Variants in SH3KBP1 observed in about 807,000 individuals in gnomAD.
SH3KBP1 encodes the protein SH3 domain containing kinase binding protein 1, also known as SH3 domain-containing kinase-binding protein 1.
In SH3KBP1, 8 loss-of-function variants were observed where a neutral mutation model predicts 50.1. That is an observed-to-expected ratio of 0.16 (90% CI 0.09 to 0.29). The LOEUF is 0.29. SH3KBP1 is among the 10% of genes least tolerant of loss of function. The pLI is 1.00. For synonymous variants in SH3KBP1, 227 were observed against 218.6 expected (o/e 1.04, Z -0.34); for missense variants, 377 against 535.2 (o/e 0.70, Z 2.92).
At position 19,694,947 on chromosome X, in the gene SH3KBP1, C is replaced by T. The variant is rs748852941; in HGVS notation, c.520+665G>A. 7.4e-6 allele frequency: 8 copies of T among 1,079,697 alleles called. No homozygotes were observed. In the South Asian group the frequency reaches 1.6e-4, roughly 21 times the overall value. 89.0% of individuals were successfully genotyped at this position (1,079,697 alleles called of 1,213,427 possible). A position where few individuals can be genotyped will look rare whatever the true frequency, so the allele number is the denominator to read the frequency against. On this transcript the variant is annotated intron_variant, in intron 5 of 17. Coordinates refer to ENST00000397821, the MANE Select transcript of SH3KBP1 (RefSeq NM_031892.3). Reference sequence around the variant, plus strand: ...AGACAGCACAAGAGATACACAGACGCCCACAGTTGGGTTAGTGACTGGGAG... The same window carrying T: ...AGACAGCACAAGAGATACACAGACGTCCACAGTTGGGTTAGTGACTGGGAG...
intron 6 of SH3KBP1, among the ~76,000 whole-genome samples, chrX:19,669,806 C>T (rs2062737446): frequency 9.0e-6 from 1 of 111,630 alleles, no homozygotes; most frequent in African/African-American, 3.3e-5. Context: ...AGGCAAGCAA[C>T]AGATGCCATT....
intron 2 of SH3KBP1, among the ~76,000 whole-genome samples, chrX:19,827,781 C>CTTT (rs138898288): frequency 5.5e-5 from 2 of 36,222 alleles, no homozygotes; most frequent in East Asian, 8.8e-4. Flanking sequence ...GAAGTGCAGT[C>CTTT]TTTTTTTTTT....
intron 6 of SH3KBP1, among the ~76,000 whole-genome samples, chrX:19,663,261 A>C (rs1476683716): frequency 8.9e-6 from 1 of 112,087 alleles, no homozygotes; most frequent in Admixed American, 9.5e-5. Context: ...ACCTATTTTA[A>C]TCACGTGCTT....
intron 3 of SH3KBP1, among the ~76,000 whole-genome samples, chrX:19,744,992 C>T (rs1356594008): frequency 1.8e-5 from 2 of 112,257 alleles, no homozygotes; most frequent in African/African-American, 6.5e-5. Context: ...TTGCCGTGCC[C>T]GCGGACCCAA....
chrX:19,687,822 C>T (rs2063200121), intron 5 of SH3KBP1: 1 of 496,365 alleles, frequency 2.0e-6, no homozygotes, highest in Admixed American at 3.0e-5. Context: ...GCTGCAAGAG[C>T]TTCATCCACA....
chrX:19,600,763 T>C (rs1161409400), intron 9 of SH3KBP1, among the ~76,000 whole-genome samples: 2 of 111,665 alleles, frequency 1.8e-5, no homozygotes, highest in African/African-American at 6.5e-5. Flanking sequence ...TTCTGTTTAT[T>C]CTCTTTATCC....
chrX:19,733,415 T>C (rs992742706), intron 3 of SH3KBP1, among the ~76,000 whole-genome samples: 1 of 110,137 alleles, frequency 9.1e-6, no homozygotes, highest in Non-Finnish European at 1.9e-5. Flanking sequence ...CTTTCATATA[T>C]ATAATAATAT....
chrX:19,829,826 T>C (rs2067813442), intron 2 of SH3KBP1, among the ~76,000 whole-genome samples: 1 of 111,232 alleles, frequency 9.0e-6, no homozygotes, highest in African/African-American at 3.3e-5. Context: ...TTGCCCATTT[T>C]TATGGTTATT....
chrX:19,696,827 G>A (rs1380221162), intron 4 of SH3KBP1, among the ~76,000 whole-genome samples: 1 of 112,060 alleles, frequency 8.9e-6, no homozygotes, highest in African/African-American at 3.2e-5. Context: ...CCATGTGCAC[G>A]TACAGACAGT....
At chrX:19,557,026 T>C (rs1281613241) in intron 13 of SH3KBP1, among the ~76,000 whole-genome samples, 1 of 111,533 alleles carries the variant, frequency 9.0e-6, no homozygotes, top group African/African-American at 3.3e-5. Context: ...ATGCCATTAC[T>C]AGATGCTTCG....
In SH3KBP1 at chrX:19,776,913, T is replaced by C. The variant is rs1056861537; in HGVS notation, c.163-30472A>G. Among the ~76,000 whole-genome samples the C allele has an allele frequency of 3.7e-5, 4 of 109,504 alleles. No homozygotes were observed. The East Asian group carries it at 8.5e-4, about 23-fold the overall frequency. ...GTTTTCACAGACACCCTCACCATCCTGAATATTTTAACATACCTCTGATTT... is the reference window on the plus strand; with the variant it reads ...GTTTTCACAGACACCCTCACCATCCCGAATATTTTAACATACCTCTGATTT... On this transcript the variant is annotated intron_variant, in intron 2 of 17. Transcript: ENST00000397821.
In SH3KBP1 at chrX:19,760,067, T is replaced by C. The variant is rs2065363331; in HGVS notation, c.163-13626A>G. The stretch of plus-strand genomic sequence containing the variant: ...CTCTCTCTCTCTCTCTCTCTCTCTC[T>C]CTCTCTCTCTCTCTCTCGACACACA... On this transcript the variant is annotated intron_variant, in intron 2 of 17. Transcript: ENST00000397821. Among the ~76,000 whole-genome samples the C allele has an allele frequency of 5.6e-5, 5 of 88,805 alleles. 1 individual carries two copies. The South Asian group carries it at 1.9e-3, about 34-fold the overall frequency. 77.1% of individuals were successfully genotyped at this position (88,805 alleles called of 115,157 possible).
intron 5 of SH3KBP1, among the ~76,000 whole-genome samples, chrX:19,684,744 A>G (rs1166661810): frequency 1.8e-5 from 2 of 112,218 alleles, no homozygotes; most frequent in East Asian, 5.6e-4. Context: ...TCTCTCCTTT[A>G]AACACCAGTG....
intron 3 of SH3KBP1, among the ~76,000 whole-genome samples, chrX:19,708,757 A>G (rs987785908): frequency 2.7e-5 from 3 of 111,760 alleles, no homozygotes; most frequent in African/African-American, 9.8e-5. Flanking sequence ...TCTACTACCA[A>G]TCTTTAAAGG....
At chrX:19,692,689 A>ATTTTTT (rs1186773036) in intron 5 of SH3KBP1, among the ~76,000 whole-genome samples, 24 of 75,051 alleles carry the variant, frequency 3.2e-4, no homozygotes, top group African/African-American at 1.1e-3. Flanking sequence ...ATATATATAT[A>ATTTTTT]TTTTTTTTTT....
chrX:19,886,663 G>A (rs1296258316), intron 1 of SH3KBP1, among the ~76,000 whole-genome samples: 1 of 111,315 alleles, frequency 9.0e-6, no homozygotes, highest in Non-Finnish European at 1.9e-5. Context: ...TTAGCATCAC[G>A]GAGCAGAGAG....
chrX:19,736,963 G>A (rs781143682), intron 3 of SH3KBP1, among the ~76,000 whole-genome samples: 7 of 104,076 alleles, frequency 6.7e-5, no homozygotes, highest in Non-Finnish European at 9.8e-5. Context: ...CTGGAGTGCA[G>A]TGGTGCGATT....
At chrX:19,711,733 C>T (rs182169174) in intron 3 of SH3KBP1, among the ~76,000 whole-genome samples, 1 of 111,013 alleles carries the variant, frequency 9.0e-6, no homozygotes, top group Non-Finnish European at 1.9e-5. Flanking sequence ...ACCTGGGGAA[C>T]GTGGCAGTAT....
chrX:19,849,581 T>C (rs376357308), intron 1 of SH3KBP1, among the ~76,000 whole-genome samples: 2 of 107,009 alleles, frequency 1.9e-5, no homozygotes, highest in Non-Finnish European at 3.8e-5. Context: ...CCCAGCTACT[T>C]AGGCGGCTGA....
Sources: allele counts gnomAD v4.1 joint callset (sites outside exome capture counted in the v4.1 genomes callset), GRCh38; gene constraint gnomAD v4.1.1; transcripts MANE v1.5; gene names NCBI Gene and HGNC (gene_info 2026-07-23, HGNC 2026-07-21).